Variants in MEIS2 observed in about 807,000 individuals in gnomAD.
MEIS2 encodes the protein homeobox protein Meis2.
MEIS2 carries 9 observed loss-of-function variants against 58.6 expected under a neutral mutation model. The ratio of observed to expected loss-of-function variants is 0.15; its 90% confidence interval spans 0.09 to 0.27. The LOEUF (loss-of-function observed/expected upper bound fraction) is 0.27, where lower values mean the gene tolerates loss of function less well. MEIS2 is among the 10% of genes least tolerant of loss of function. The pLI, the probability that MEIS2 is intolerant of heterozygous loss-of-function variation, is 1.00. For synonymous variants in MEIS2, 221 were observed against 228.4 expected (o/e 0.97, Z 0.29); for missense variants, 427 against 635.0 (o/e 0.67, Z 3.52).
At chr15:36,979,959 G>A (rs2059880160) in intron 8 of MEIS2, among the ~76,000 whole-genome samples, 1 of 150,370 alleles carries the variant, frequency 6.7e-6, no homozygotes, top group African/African-American at 2.4e-5. Flanking sequence ...AAATTTAGGA[G>A]ATTTTTCCTT....
At chr15:36,922,158 A>G (rs2057537470) in intron 9 of MEIS2, among the ~76,000 whole-genome samples, 1 of 152,202 alleles carries the variant, frequency 6.6e-6, no homozygotes, top group Admixed American at 6.5e-5. Flanking sequence ...AAGGGAGAGC[A>G]TTGGTCTGTT....
chr15:37,014,800 C>CTCAACGGA (rs2061287353), intron 8 of MEIS2, among the ~76,000 whole-genome samples: 1 of 151,808 alleles, frequency 6.6e-6, no homozygotes, highest in African/African-American at 2.4e-5. Flanking sequence ...GGGGGCATTC[C>CTCAACGGA]TCAACGGATC....
At chr15:37,088,098 T>C (rs1361729808) in intron 6 of MEIS2, among the ~76,000 whole-genome samples, 3 of 152,202 alleles carry the variant, frequency 2.0e-5, no homozygotes, top group Admixed American at 2.0e-4. Flanking sequence ...CTCTCACCAG[T>C]CAGGTGAACT....
chr15:37,005,018 G>A (rs2060866370), intron 8 of MEIS2, among the ~76,000 whole-genome samples: 1 of 151,846 alleles, frequency 6.6e-6, no homozygotes, highest in South Asian at 2.1e-4. Context: ...ATGGGGCAGA[G>A]AAAGTCATGT....
chr15:37,057,026 G>A (rs1888522719), intron 7 of MEIS2, among the ~76,000 whole-genome samples: 1 of 152,184 alleles, frequency 6.6e-6, no homozygotes. Flanking sequence ...ATGACAAATA[G>A]CTGAAACAGG....
At chr15:36,951,466 G>A (rs778175989) in intron 8 of MEIS2, among the ~76,000 whole-genome samples, 4 of 152,090 alleles carry the variant, frequency 2.6e-5, no homozygotes, top group Non-Finnish European at 4.4e-5. Context: ...ATTCCATTCA[G>A]AATATTCTAA....
intron 7 of MEIS2, among the ~76,000 whole-genome samples, chr15:37,063,756 T>C (rs1198306176): frequency 2.0e-5 from 3 of 152,208 alleles, no homozygotes; most frequent in Admixed American, 1.3e-4. Context: ...GGTGATTGAA[T>C]TCCAGATGGC....
At chr15:36,944,247 C>T (rs2058476761) in intron 9 of MEIS2, among the ~76,000 whole-genome samples, 1 of 152,078 alleles carries the variant, frequency 6.6e-6, no homozygotes, top group Non-Finnish European at 1.5e-5. Context: ...TCTGGTTAAA[C>T]ATTAATAATG....
At chr15:36,970,983 G>C (rs562289966) in intron 8 of MEIS2, among the ~76,000 whole-genome samples, 1 of 151,766 alleles carries the variant, frequency 6.6e-6, no homozygotes, top group South Asian at 2.1e-4. Context: ...CAGATTAATA[G>C]ATAAGAAACT....
chr15:37,039,076 T>A (rs1458182527), intron 7 of MEIS2, among the ~76,000 whole-genome samples: 1 of 152,180 alleles, frequency 6.6e-6, no homozygotes, highest in Non-Finnish European at 1.5e-5. Context: ...CTTGGGGATC[T>A]GAGGTGCTGT....
At chr15:37,046,336 C>T (rs1425702838) in intron 7 of MEIS2, among the ~76,000 whole-genome samples, 2 of 152,144 alleles carry the variant, frequency 1.3e-5, no homozygotes, top group African/African-American at 4.8e-5. Flanking sequence ...GACAGGCCTG[C>T]AGAGATGAGC....
Position 37,080,369 on chromosome 15 carries a change from G to C in MEIS2, c.754+3402C>G, listed in dbSNP as rs148453641. On this transcript the variant is annotated intron_variant, in intron 7 of 11. Transcript: ENST00000561208. ...ATTTCATGTGCTCTAAACACTGAGGGGTCTATTCTCTTGCCAATTCACATG... is the reference window on the plus strand; with the variant it reads ...ATTTCATGTGCTCTAAACACTGAGGCGTCTATTCTCTTGCCAATTCACATG... Among the ~76,000 whole-genome samples the C allele has an allele frequency of 4.6e-5, 7 of 152,142 alleles. No homozygotes were observed. The East Asian group carries it at 1.4e-3, about 29-fold the overall frequency.
chr15:37,022,558 C>T (rs918301238), intron 8 of MEIS2, among the ~76,000 whole-genome samples: 3 of 151,292 alleles, frequency 2.0e-5, no homozygotes, highest in African/African-American at 7.3e-5. Context: ...CAATGCTGAA[C>T]ATTTTTTAAA....
chr15:36,935,929 G>C (rs898730855), intron 9 of MEIS2, among the ~76,000 whole-genome samples: 1 of 151,998 alleles, frequency 6.6e-6, no homozygotes, highest in African/African-American at 2.4e-5. Context: ...ATTCAGAATT[G>C]ACAGGAATAT....
intron 6 of MEIS2, among the ~76,000 whole-genome samples, chr15:37,085,356 G>A (rs891581145): frequency 6.6e-6 from 1 of 152,144 alleles, no homozygotes; most frequent in Non-Finnish European, 1.5e-5. Flanking sequence ...AAGTCAGTCT[G>A]TCATTTTTCT....
intron 8 of MEIS2, among the ~76,000 whole-genome samples, chr15:37,009,090 C>T (rs2061029705): frequency 6.6e-6 from 1 of 152,060 alleles, no homozygotes; most frequent in East Asian, 1.9e-4. Context: ...GAGATAGAGA[C>T]CATCCTGGCT....
chr15:37,098,249 G>C (rs1190170191), intron 1 of MEIS2, 50 bp from the exon 2 acceptor site: 2 of 1,499,974 alleles, frequency 1.3e-6, no homozygotes, highest in East Asian at 4.8e-5. Flanking sequence ...AGGGAGAACA[G>C]AGGAGGGGGG....
rs143525899 is a variant in MEIS2, at chr15:36,971,535, AT to A, written c.901-21136del. 2.5e-3 allele frequency among the ~76,000 whole-genome samples: 253 copies of A among 102,958 alleles called. 26 individuals are homozygous for A. The highest frequency in any genetic ancestry group is 7.5e-3 in the African/African-American group (229 of 30,494). The allele number at this position is 102,958 out of a possible 152,430, so 67.5% of individuals were successfully genotyped here. On this transcript the variant is annotated intron_variant, in intron 8 of 11. Coordinates refer to ENST00000561208, the MANE Select transcript of MEIS2 (RefSeq NM_170675.5). Reference sequence around the variant, plus strand: ...CTGTATTACTTGTATGCCTTGTTACATTAAAAAAAAAAAAAAAAAAAAAAAA... The same window carrying A: ...CTGTATTACTTGTATGCCTTGTTACATAAAAAAAAAAAAAAAAAAAAAAAA...
At chr15:36,892,533 AAG>A in intron 11 of MEIS2, 74 bp from the exon 12 acceptor site, 21 of 1,216,130 alleles carry the variant, frequency 1.7e-5, no homozygotes, top group Admixed American at 6.9e-5. Context: ...CAAAGATGAA[AAG>A]AAAAAAAAAA....
Sources: allele counts gnomAD v4.1 joint callset (sites outside exome capture counted in the v4.1 genomes callset), GRCh38; gene constraint gnomAD v4.1.1; transcripts MANE v1.5; gene names NCBI Gene and HGNC (gene_info 2026-07-23, HGNC 2026-07-21).